The following PANX1 variants were observed in gnomAD, a reference collection of about 807,000 sequenced individuals.
PANX1 encodes the protein pannexin-1.
Under a neutral mutation model 38.7 loss-of-function variants are expected in PANX1, and 30 were observed. The observed-to-expected ratio is 0.78, with a 90% CI of 0.58 to 1.05. The LOEUF (loss-of-function observed/expected upper bound fraction) is 1.05. PANX1 is among the 50% of genes least tolerant of loss of function. PANX1 has a pLI of 0.00. For synonymous variants in PANX1, 230 were observed against 212.2 expected, an observed-to-expected ratio of 1.08 and a Z score of -0.73; for missense variants, 551 against 517.2, an observed-to-expected ratio of 1.07 and a Z score of -0.63.
chr11:94,178,543 A>G lies in PANX1; in HGVS notation c.496A>G (p.Arg166Gly). 6.2e-7 allele frequency: 1 copy of G among 1,614,092 alleles called. No homozygotes were observed. Among genetic ancestry groups the G allele is most frequent in the African/African-American group, 1.3e-5 (1 of 75,026 alleles). Residue 166 changes from arginine to glycine, a missense_variant, in exon 3 of 5, where the codon AGA (arginine) becomes GGA (glycine). By Grantham distance (125) the Arg-to-Gly change is moderately radical. Transcript: ENST00000227638. ...AAAGAGTGCGCGTGACCTTGACATG[A>G]GAGATGGAGCCTGCTCAGTTCCAGG... ...AAKSARDLDM[R>G]DGACSVPGVT...
chr11:94,162,653 C>T (rs1029999306), intron 2 of PANX1, among the ~76,000 whole-genome samples: 1 of 152,164 alleles, frequency 6.6e-6, no homozygotes, highest in African/African-American at 2.4e-5. Context: ...ATTTCCTGAC[C>T]CCTTGCGCTT....
At chr11:94,162,313 A>C (rs1947051128) in intron 2 of PANX1, among the ~76,000 whole-genome samples, 1 of 152,172 alleles carries the variant, frequency 6.6e-6, no homozygotes, top group African/African-American at 2.4e-5. Flanking sequence ...CCCTGTCCCC[A>C]GAGGTGGAGT....
chr11:94,170,597 G>C lies in PANX1; in HGVS notation c.322-7772G>C, dbSNP rs750100294. ...CTGGATTCTCTTTCAAAGATGAAAAGGTTTTCTTGTGGCTTCTCCACACTG... is the reference window on the plus strand; with the variant it reads ...CTGGATTCTCTTTCAAAGATGAAAACGTTTTCTTGTGGCTTCTCCACACTG... On this transcript the variant is annotated intron_variant, in intron 2 of 4. Transcript: ENST00000227638. Among the ~76,000 whole-genome samples the C allele has an allele frequency of 5.6e-4, 85 of 151,732 alleles. 2 individuals are homozygous for C. The highest frequency in any genetic ancestry group is 1.9e-3 in the African/African-American group (79 of 41,004).
chr11:94,143,690 A>C (rs893649763), intron 1 of PANX1, among the ~76,000 whole-genome samples: 1 of 152,106 alleles, frequency 6.6e-6, no homozygotes, highest in African/African-American at 2.4e-5. Context: ...GAGAACCTCT[A>C]TTTATAGAAC....
chr11:94,135,233 C>T (rs1310291701), intron 1 of PANX1, among the ~76,000 whole-genome samples: 1 of 152,204 alleles, frequency 6.6e-6, no homozygotes, highest in South Asian at 2.1e-4. Flanking sequence ...GGGCAGCCAC[C>T]GTTCTGGGTA....
intron 2 of PANX1, among the ~76,000 whole-genome samples, chr11:94,169,835 A>C (rs1022339252): frequency 1.3e-5 from 2 of 151,636 alleles, no homozygotes; most frequent in African/African-American, 4.9e-5. Flanking sequence ...CTCTAAAACC[A>C]TGAAAGAAAA....
At chr11:94,139,986 C>G (rs1946742887) in intron 1 of PANX1, among the ~76,000 whole-genome samples, 1 of 152,184 alleles carries the variant, frequency 6.6e-6, no homozygotes, top group Non-Finnish European at 1.5e-5. Flanking sequence ...CAATTTATAG[C>G]TGGTTGGTCA....
intron 2 of PANX1, 33 bp downstream of exon 2, chr11:94,153,663 T>C (rs754058737): frequency 6.2e-7 from 1 of 1,602,438 alleles, no homozygotes; most frequent in South Asian, 1.1e-5. Context: ...AGAACCTGTT[T>C]GCTTTATAGA....
intron 1 of PANX1, among the ~76,000 whole-genome samples, chr11:94,146,884 A>G (rs1946833749): frequency 6.6e-6 from 1 of 152,216 alleles, no homozygotes; most frequent in Non-Finnish European, 1.5e-5. Context: ...AATTGCTTGT[A>G]TCTGGTATTT....
intron 2 of PANX1, among the ~76,000 whole-genome samples, chr11:94,160,528 T>C (rs1355192486): frequency 2.6e-5 from 4 of 152,188 alleles, no homozygotes. Context: ...GTCTCTTTTA[T>C]CAGAGACTAG....
At position 94,178,391 on chromosome 11, in the gene PANX1, T is replaced by G; in HGVS notation, c.344T>G (p.Leu115Arg). The G allele has an allele frequency of 1.2e-6, 2 of 1,614,052 alleles. No individual in the cohort carries two copies. Among genetic ancestry groups the G allele is most frequent in the Non-Finnish European group, 1.7e-6 (2 of 1,179,944 alleles). ...LHKFFPYILL[L>R]FAILLYLPPL... The stretch of plus-strand genomic sequence containing the variant: ...CAGTTTTTCCCCTACATCCTGCTGC[T>G]CTTTGCGATCCTCCTGTACCTGCCC... Residue 115 changes from leucine to arginine, a missense_variant, in exon 3 of 5, where the codon CTC (leucine) becomes CGC (arginine). Transcript: ENST00000227638.
intron 1 of PANX1, among the ~76,000 whole-genome samples, chr11:94,145,947 G>A (rs1946824672): frequency 1.3e-5 from 2 of 152,184 alleles, no homozygotes; most frequent in Admixed American, 6.5e-5. Context: ...TTCTTTTCTA[G>A]TTTCTGCTGA....
intron 2 of PANX1, among the ~76,000 whole-genome samples, chr11:94,168,722 G>A (rs1947130502): frequency 6.6e-6 from 1 of 151,658 alleles, no homozygotes; most frequent in Admixed American, 6.6e-5. Context: ...GAGTAGACAT[G>A]ATTGCTTGTG....
chr11:94,156,770 C>A (rs1382871999), intron 2 of PANX1, among the ~76,000 whole-genome samples: 1 of 150,586 alleles, frequency 6.6e-6, no homozygotes, highest in Admixed American at 6.6e-5. Context: ...TACATGTGCA[C>A]AACATGCAGG....
At position 94,153,521 on chromosome 11, in the gene PANX1, C is replaced by CT; in HGVS notation, c.215dup (p.Ser73LeufsTer35). The CT allele has an allele frequency of 6.2e-7, 1 of 1,614,146 alleles. No homozygotes were observed. The highest frequency in any genetic ancestry group is 8.5e-7 in the Non-Finnish European group (1 of 1,180,014). On this transcript the variant is annotated frameshift_variant, in exon 2 of 5. Transcript: ENST00000227638. LOFTEE classifies it high-confidence loss of function. Reference sequence around the variant, plus strand: ...CAGATAAGCTGTTTCTCTCCAAGTTCTTTCTCCTGGCGTCAGGCTGCCTTT... The same window carrying CT: ...CAGATAAGCTGTTTCTCTCCAAGTTCTTTTCTCCTGGCGTCAGGCTGCCTTT...
At chr11:94,161,042 G>C (rs1947025000) in intron 2 of PANX1, among the ~76,000 whole-genome samples, 1 of 152,322 alleles carries the variant, frequency 6.6e-6, no homozygotes, top group Non-Finnish European at 1.5e-5. Flanking sequence ...TAAGAATGTT[G>C]AATATTGGCC....
At chr11:94,142,836 G>A (rs543423330) in intron 1 of PANX1, among the ~76,000 whole-genome samples, 1 of 152,336 alleles carries the variant, frequency 6.6e-6, no homozygotes, top group African/African-American at 2.4e-5. Flanking sequence ...GTTGCCCCGT[G>A]TAGAAACGGG....
chr11:94,135,393 C>T (rs904204253), intron 1 of PANX1, among the ~76,000 whole-genome samples: 10 of 152,236 alleles, frequency 6.6e-5, no homozygotes, highest in African/African-American at 2.4e-4. Context: ...TTTCCTGCAA[C>T]TGAGTCAGCG....
At chr11:94,159,850 C>G (rs1455901333) in intron 2 of PANX1, among the ~76,000 whole-genome samples, 3 of 151,572 alleles carry the variant, frequency 2.0e-5, no homozygotes, top group Non-Finnish European at 4.4e-5. Flanking sequence ...TTCCTGCTTT[C>G]TCTTGTGGGC....
Sources: allele counts gnomAD v4.1 joint callset (sites outside exome capture counted in the v4.1 genomes callset), GRCh38; gene constraint gnomAD v4.1.1; transcripts MANE v1.5; gene names NCBI Gene and HGNC (gene_info 2026-07-23, HGNC 2026-07-21).